The following DSC1 variants were observed in gnomAD, a reference collection of about 807,000 sequenced individuals.
The protein encoded by DSC1 is desmocollin-1.
In DSC1, 79 loss-of-function variants were observed where a neutral mutation model predicts 98.8. That is an observed-to-expected ratio of 0.80 (90% CI 0.67 to 0.96). The LOEUF is 0.96. Ranked by LOEUF, DSC1 falls within the 50% of genes least tolerant of loss-of-function variation. DSC1 has a pLI of 0.00. For synonymous variants in DSC1, 405 were observed against 372.1 expected, an observed-to-expected ratio of 1.09 and a Z score of -1.02; for missense variants, 1,115 against 1,075.9, an observed-to-expected ratio of 1.04 and a Z score of -0.51.
intron 2 of DSC1, 117 bp from the exon 3 acceptor site, chr18:31,157,690 G>T: frequency 9.4e-7 from 1 of 1,062,644 alleles, no homozygotes; most frequent in South Asian, 1.4e-5. Context: ...GTTACATTTG[G>T]AATGTGCTCA....
At chr18:31,152,640 G>T (rs1302011502) in intron 5 of DSC1, among the ~76,000 whole-genome samples, 2 of 152,036 alleles carry the variant, frequency 1.3e-5, no homozygotes, top group Non-Finnish European at 2.9e-5. Context: ...ACACTACTGA[G>T]GTTGGGAACA....
At chr18:31,146,320 T>C (rs1988845800) in intron 6 of DSC1, among the ~76,000 whole-genome samples, 1 of 152,184 alleles carries the variant, frequency 6.6e-6, no homozygotes. Flanking sequence ...CTCTCACTTA[T>C]AAGTGATAAC....
chr18:31,139,951 T>C (rs1477418215), intron 10 of DSC1, 61 bp from the exon 11 acceptor site: 10 of 1,563,390 alleles, frequency 6.4e-6, no homozygotes, highest in Middle Eastern at 1.7e-4. Context: ...TCTTAAAATC[T>C]GTCATTTTGA....
At chr18:31,153,246 A>G (rs1989034387) in intron 5 of DSC1, among the ~76,000 whole-genome samples, 1 of 152,156 alleles carries the variant, frequency 6.6e-6, no homozygotes, top group African/African-American at 2.4e-5. Flanking sequence ...ATATTGCAAC[A>G]TACAGAGTAT....
At chr18:31,147,725 C>A (rs899950150) in intron 6 of DSC1, among the ~76,000 whole-genome samples, 2 of 151,934 alleles carry the variant, frequency 1.3e-5, no homozygotes, top group Non-Finnish European at 2.9e-5. Flanking sequence ...GAAAACAACA[C>A]TGATATTATA....
Position 31,140,130 on chromosome 18 carries a change from T to C in DSC1, c.1432A>G (p.Ile478Val). The C allele has an allele frequency of 5.0e-6, 8 of 1,614,056 alleles. No homozygotes were observed. The highest frequency in any genetic ancestry group is 6.8e-6 in the Non-Finnish European group (8 of 1,179,946). ...GCTGGGAAGCCATCTTGACTCTGAA[T>C]AACTTTCACTGGAGGGTGGCATTCA... ...GPECHPPVKV[I>V]QSQDGFPAGQ... is the part of the protein sequence containing the mutation. The change falls in exon 10 of 16, where the codon ATT becomes GTT. Residue 478 changes from isoleucine to valine, a missense_variant. Physicochemically the swap from Ile to Val is conservative, Grantham distance 29. Coordinates refer to ENST00000257198, the MANE Select transcript of DSC1 (RefSeq NM_024421.2).
chr18:31,142,154 C>G lies in DSC1; in HGVS notation c.1105G>C (p.Asp369His). Residue 369 changes from aspartate to histidine, a missense_variant, in exon 9 of 16, where the codon GAC becomes CAC. Transcript: ENST00000257198. ...ACCTTCATTCGTAAAATCTCCACGTCAATTCTGTTTTCTTCTACTTCTGTA... is the reference window on the plus strand; with the variant it reads ...ACCTTCATTCGTAAAATCTCCACGTGAATTCTGTTTTCTTCTACTTCTGTA... ...YVTEVEENRI[D>H]VEILRMKVQD... 1 of 1,612,642 alleles carries G rather than the reference C, an allele frequency of 6.2e-7. No individual in the cohort carries two copies. The highest frequency in any genetic ancestry group is 8.5e-7 in the Non-Finnish European group (1 of 1,179,582).
chr18:31,134,880 C>G (rs1988577557), intron 11 of DSC1, 96 bp from the exon 12 acceptor site: 1 of 1,179,126 alleles, frequency 8.5e-7, no homozygotes, highest in Non-Finnish European at 1.2e-6. Flanking sequence ...TTTCTACTAG[C>G]TGTCTGAGCT....
Position 31,157,645 on chromosome 18 carries a change from C to A in DSC1, c.149-72G>T, listed in dbSNP as rs139085407. 2.3e-5 allele frequency: 36 copies of A among 1,544,484 alleles called. No individual in the cohort carries two copies. The East Asian group carries it at 8.1e-4, about 35-fold the overall frequency. On this transcript the variant is annotated intron_variant, in intron 2 of 15. Coordinates refer to ENST00000257198, the MANE Select transcript of DSC1 (RefSeq NM_024421.2). The stretch of plus-strand genomic sequence containing the variant: ...GGAACAAGTTTTACAGGAATGACAG[C>A]CGTGAGTTAATGCATGAGAAGCAGA...
At chr18:31,162,477 A>T (rs1989227610) in intron 1 of DSC1, 55 bp downstream of exon 1, 24 of 1,559,912 alleles carry the variant, frequency 1.5e-5, no homozygotes, top group Non-Finnish European at 1.9e-5. Context: ...CAAACTGCAG[A>T]GAGGAAGCAG....
intron 8 of DSC1, among the ~76,000 whole-genome samples, chr18:31,142,823 G>T (rs1038920612): frequency 6.6e-6 from 1 of 152,080 alleles, no homozygotes; most frequent in Non-Finnish European, 1.5e-5. Context: ...GAGCGTAATA[G>T]ACCTAGATTT....
In DSC1 at chr18:31,159,546, G is replaced by C; in HGVS notation, c.64-17C>G. 4.8e-6 allele frequency: 4 copies of C among 828,742 alleles called. No individual in the cohort carries two copies. The highest frequency in any genetic ancestry group is 7.2e-6 in the Non-Finnish European group (4 of 559,438). 51.3% of individuals were successfully genotyped at this position (828,742 alleles called of 1,614,324 possible). A position where few individuals can be genotyped will look rare whatever the true frequency, so the allele number is the denominator to read the frequency against. On this transcript the variant is annotated splice_polypyrimidine_tract_variant and intron_variant, in intron 1 of 15. Coordinates refer to ENST00000257198, the MANE Select transcript of DSC1 (RefSeq NM_024421.2). Reference sequence around the variant, plus strand: ...TGTTAAAACCTCAAAAAAAAAAAAAGAAAAAATATCAGGAATTAAATTTGA... The same window carrying C: ...TGTTAAAACCTCAAAAAAAAAAAAACAAAAAATATCAGGAATTAAATTTGA...
chr18:31,138,755 A>G (rs1236224102), intron 11 of DSC1, among the ~76,000 whole-genome samples: 1 of 16,398 alleles, frequency 6.1e-5, no homozygotes, highest in African/African-American at 9.7e-5. Flanking sequence ...TAGACACAGG[A>G]AAAAAAAACC....
chr18:31,142,027 G>A lies in DSC1; in HGVS notation c.1232C>T (p.Thr411Ile), dbSNP rs1262294088. 6.2e-7 allele frequency: 1 copy of A among 1,608,234 alleles called. No homozygotes were observed. ...GACAACACACAGCACTCCTTCATTT[G>A]TATTTGGATCTGTGCTAATTATGAA... ...GNFIISTDPNTNEGVLCVVKP... is the reference protein window; with the variant it reads ...GNFIISTDPNINEGVLCVVKP... The change falls in exon 9 of 16, where the codon ACA becomes ATA. Residue 411 changes from threonine to isoleucine, a missense_variant. Transcript: ENST00000257198.
In DSC1 at chr18:31,154,918, A is replaced by G. The variant is rs1425519983; in HGVS notation, c.483T>C (p.Asp161=). The G allele has an allele frequency of 6.2e-7, 1 of 1,613,188 alleles. No homozygotes were observed. Among genetic ancestry groups the G allele is most frequent in the Non-Finnish European group, 8.5e-7 (1 of 1,179,810 alleles). The change falls in exon 5 of 16, where the codon GAT becomes GAC. Residue 161 remains aspartate, a synonymous_variant. Transcript: ENST00000257198. ...FPQHVQQIQS[D]AAQNYTIFYS... Reference sequence around the variant, plus strand: ...AAAAGATGGTGTAATTCTGTGCAGCATCAGATTGGATCTGCAGTAATAATT... The same window carrying G: ...AAAAGATGGTGTAATTCTGTGCAGCGTCAGATTGGATCTGCAGTAATAATT...
chr18:31,134,358 A>G (rs1184315405), intron 12 of DSC1, among the ~76,000 whole-genome samples: 1 of 152,112 alleles, frequency 6.6e-6, no homozygotes, highest in Non-Finnish European at 1.5e-5. Flanking sequence ...TTAATTAAAA[A>G]GGGACTTATA....
intron 9 of DSC1, among the ~76,000 whole-genome samples, chr18:31,140,926 T>C (rs574855678): frequency 5.9e-5 from 9 of 152,244 alleles, no homozygotes; most frequent in Non-Finnish European, 1.0e-4. Flanking sequence ...GGCCAGTCTT[T>C]CCTGTGCTAT....
chr18:31,158,778 C>T lies in DSC1; in HGVS notation c.148+667G>A, dbSNP rs146388079. Reference sequence around the variant, plus strand: ...TGGGGGCATTTAGATTTTGAGACATCCATTTCATGTCTAATCAATTGAAGA... The same window carrying T: ...TGGGGGCATTTAGATTTTGAGACATTCATTTCATGTCTAATCAATTGAAGA... On this transcript the variant is annotated intron_variant, in intron 2 of 15. Transcript: ENST00000257198. Among the ~76,000 whole-genome samples the T allele has an allele frequency of 6.6e-5, 10 of 152,106 alleles. No homozygotes were observed. In the East Asian group the frequency reaches 1.9e-3, roughly 29 times the overall value.
At chr18:31,150,337 TAC>T (rs1988959426) in intron 5 of DSC1, among the ~76,000 whole-genome samples, 6 of 5,746 alleles carry the variant, frequency 1.0e-3, no homozygotes, top group African/African-American at 1.6e-3. Flanking sequence ...CCACCACCAC[TAC>T]CATCACCACC....
Sources: gnomAD v4.1 joint callset for allele counts (sites outside exome capture counted in the v4.1 genomes callset) on GRCh38, gnomAD v4.1.1 for gene constraint, MANE v1.5 for transcripts, NCBI Gene and HGNC (gene_info 2026-07-23, HGNC 2026-07-21) for gene names.